Variants in NEGR1 observed in about 807,000 individuals in gnomAD.
The protein encoded by NEGR1 is IgLON family member 4.
NEGR1 carries 10 observed loss-of-function variants against 40.9 expected under a neutral mutation model. That is an observed-to-expected ratio of 0.24 (90% CI 0.15 to 0.42). The LOEUF (loss-of-function observed/expected upper bound fraction) is 0.42, where lower values mean the gene tolerates loss of function less well. Among genes scored for constraint, NEGR1 ranks in the 10% least tolerant of loss-of-function variants. NEGR1 has a pLI of 1.00. For synonymous variants in NEGR1, 185 were observed against 166.8 expected (o/e 1.11, Z -0.84); for missense variants, 352 against 438.9 (o/e 0.80, Z 1.77).
At chr1:72,137,537 T>C (rs1423860217) in intron 1 of NEGR1, among the ~76,000 whole-genome samples, 2 of 149,876 alleles carry the variant, frequency 1.3e-5, no homozygotes, top group South Asian at 2.1e-4. Flanking sequence ...TAAGTGGGAG[T>C]TGAACAATAA....
intron 6 of NEGR1, among the ~76,000 whole-genome samples, chr1:71,444,191 T>C (rs1182356636): frequency 2.6e-5 from 4 of 152,164 alleles, no homozygotes; most frequent in African/African-American, 9.6e-5. Flanking sequence ...TTTGAACTTT[T>C]ACATGTTTTG....
rs1226632262 is a variant in NEGR1 at position 71,827,819 on chromosome 1, GT to G, written c.410-51523del. On this transcript the variant is annotated intron_variant, in intron 2 of 6. Transcript: ENST00000357731. ...GAAAAAACAGCATGATATCTTCAAG[GT>G]TTTTTTCTTTATCCCAATTGACCCA... is the stretch of plus-strand genomic sequence containing the variant. 3.3e-5 allele frequency among the ~76,000 whole-genome samples: 5 copies of G among 151,672 alleles called. No individual in the cohort carries two copies. The South Asian group carries it at 6.2e-4, about 19-fold the overall frequency.
chr1:71,521,033 C>T (rs933608398), intron 6 of NEGR1, among the ~76,000 whole-genome samples: 5 of 152,048 alleles, frequency 3.3e-5, no homozygotes, highest in African/African-American at 1.2e-4. Flanking sequence ...TGTGACTTGT[C>T]ACTCTAGGGA....
At chr1:71,972,943 C>T (rs923098960) in intron 1 of NEGR1, among the ~76,000 whole-genome samples, 2 of 152,098 alleles carry the variant, frequency 1.3e-5, no homozygotes, top group African/African-American at 4.8e-5. Flanking sequence ...CCCGAAGTCC[C>T]ATCTTAAGTG....
At chr1:71,429,584 C>A (rs1489970842) in intron 6 of NEGR1, among the ~76,000 whole-genome samples, 1 of 152,142 alleles carries the variant, frequency 6.6e-6, no homozygotes, top group Non-Finnish European at 1.5e-5. Flanking sequence ...CCATTTTGTT[C>A]TCACTCTGGG....
At chr1:71,928,575 TA>T (rs1166435457) in intron 2 of NEGR1, among the ~76,000 whole-genome samples, 7 of 149,952 alleles carry the variant, frequency 4.7e-5, no homozygotes, top group East Asian at 3.9e-4. Flanking sequence ...TACCTATATA[TA>T]TTTTTTTTCC....
chr1:71,924,016 C>T (rs1645747427), intron 2 of NEGR1, among the ~76,000 whole-genome samples: 1 of 151,922 alleles, frequency 6.6e-6, no homozygotes, highest in Admixed American at 6.6e-5. Flanking sequence ...CCAAGCAATC[C>T]TCTCACCTCA....
intron 2 of NEGR1, among the ~76,000 whole-genome samples, chr1:71,882,984 C>A (rs1660622792): frequency 6.6e-6 from 1 of 152,054 alleles, no homozygotes. Context: ...TCCTTTGCAA[C>A]CATTTGTTTA....
At chr1:71,424,388 A>G (rs1162444452) in intron 6 of NEGR1, among the ~76,000 whole-genome samples, 1 of 152,220 alleles carries the variant, frequency 6.6e-6, no homozygotes, top group Non-Finnish European at 1.5e-5. Context: ...GCACAGAATT[A>G]CCTCAGTGTC....
chr1:72,201,554 G>A (rs572721065), intron 1 of NEGR1, among the ~76,000 whole-genome samples: 4 of 151,838 alleles, frequency 2.6e-5, no homozygotes, highest in Admixed American at 2.0e-4. Flanking sequence ...CAGCTTGGAC[G>A]AAGTTTGTAC....
intron 6 of NEGR1, among the ~76,000 whole-genome samples, chr1:71,499,625 G>A (rs1419194569): frequency 6.6e-6 from 1 of 151,592 alleles, no homozygotes; most frequent in Admixed American, 6.6e-5. Flanking sequence ...AATCCCATGA[G>A]GATAGAAATA....
chr1:71,867,277 G>A (rs1660143964), intron 2 of NEGR1, among the ~76,000 whole-genome samples: 3 of 152,164 alleles, frequency 2.0e-5, no homozygotes, highest in Admixed American at 6.5e-5. Flanking sequence ...AGGAGGCTAA[G>A]GCAGGAGAAT....
chr1:71,837,751 A>T (rs896045026), intron 2 of NEGR1, among the ~76,000 whole-genome samples: 5 of 152,142 alleles, frequency 3.3e-5, no homozygotes, highest in African/African-American at 1.2e-4. Context: ...CTTAATTAAC[A>T]TCTATTTAAA....
intron 6 of NEGR1, among the ~76,000 whole-genome samples, chr1:71,524,315 AGTGTGT>A (rs60790381): frequency 0.011 from 1,602 of 140,632 alleles, 14 homozygotes; most frequent in African/African-American, 0.028. Context: ...TTTAAATAGG[AGTGTGT>A]GTGTGTGTGT....
At chr1:71,606,094 G>A (rs924503091) in intron 5 of NEGR1, among the ~76,000 whole-genome samples, 3 of 152,086 alleles carry the variant, frequency 2.0e-5, no homozygotes, top group African/African-American at 7.2e-5. Context: ...TGTTTTTGAT[G>A]ACATGAAATC....
intron 3 of NEGR1, among the ~76,000 whole-genome samples, chr1:71,766,399 G>A (rs1449685674): frequency 6.6e-6 from 1 of 152,142 alleles, no homozygotes; most frequent in Non-Finnish European, 1.5e-5. Flanking sequence ...TGATAATTAA[G>A]TTAGTAATGC....
At chr1:71,906,601 T>C (rs531409567) in intron 2 of NEGR1, among the ~76,000 whole-genome samples, 39 of 151,964 alleles carry the variant, frequency 2.6e-4, no homozygotes, top group Non-Finnish European at 4.9e-4. Context: ...ATTTCATCTG[T>C]GAATAAATGA....
intron 2 of NEGR1, among the ~76,000 whole-genome samples, chr1:71,809,157 G>C (rs1380326695): frequency 6.6e-6 from 1 of 152,226 alleles, no homozygotes; most frequent in Non-Finnish European, 1.5e-5. Flanking sequence ...TCCATTCATT[G>C]TTTCCAATTT....
chr1:71,980,353 T>G (rs1205913325), intron 1 of NEGR1, among the ~76,000 whole-genome samples: 1 of 152,192 alleles, frequency 6.6e-6, no homozygotes, highest in South Asian at 2.1e-4. Context: ...TGCACTGCAT[T>G]GTGGTATATT....
Sources: gnomAD v4.1 joint callset for allele counts (sites outside exome capture counted in the v4.1 genomes callset) on GRCh38, gnomAD v4.1.1 for gene constraint, MANE v1.5 for transcripts, NCBI Gene and HGNC (gene_info 2026-07-23, HGNC 2026-07-21) for gene names.